ANK3: variants seen among roughly 807,000 people sequenced by gnomAD.
ANK3 encodes the protein ankyrin 3, also known as ankyrin-3.
A neutral mutation model predicts 370.9 loss-of-function variants in ANK3; 57 were observed. The ratio of observed to expected loss-of-function variants is 0.15; its 90% CI spans 0.12 to 0.19. The LOEUF (loss-of-function observed/expected upper bound fraction) is 0.19. Among genes scored for constraint, ANK3 ranks in the 10% least tolerant of loss-of-function variants. ANK3 has a pLI of 1.00. For synonymous variants in ANK3, 1,929 were observed against 1,946.3 expected, an observed-to-expected ratio of 0.99 and a Z score of 0.23; for missense variants, 4,439 against 5,302.1, an observed-to-expected ratio of 0.84 and a Z score of 5.06.
chr10:60,164,457 G>C (rs1288373720), intron 23 of ANK3, among the ~76,000 whole-genome samples: 1 of 151,042 alleles, frequency 6.6e-6, no homozygotes, highest in Non-Finnish European at 1.5e-5. Context: ...AGGTTGCTGA[G>C]GGGAACAATA....
intron 1 of ANK3, among the ~76,000 whole-genome samples, chr10:60,664,488 C>T (rs572067207): frequency 6.6e-6 from 1 of 152,320 alleles, no homozygotes; most frequent in South Asian, 2.1e-4. Flanking sequence ...CACCTTGATA[C>T]ACCAGATGGT....
At chr10:60,253,192 T>C (rs1175417973) in intron 7 of ANK3, among the ~76,000 whole-genome samples, 1 of 152,198 alleles carries the variant, frequency 6.6e-6, no homozygotes, top group Non-Finnish European at 1.5e-5. Flanking sequence ...ACTACCTCCA[T>C]TGCTGTCAGA....
At chr10:60,104,374 A>G (rs59528486) in intron 28 of ANK3, among the ~76,000 whole-genome samples, 1 of 116,258 alleles carries the variant, frequency 8.6e-6, no homozygotes, top group African/African-American at 3.6e-5. Flanking sequence ...AAAAAAAAAA[A>G]AAAAAAAAAA....
At chr10:60,415,517 T>G (rs1157468278) in intron 2 of ANK3, among the ~76,000 whole-genome samples, 1 of 152,106 alleles carries the variant, frequency 6.6e-6, no homozygotes, top group Non-Finnish European at 1.5e-5. Context: ...AGGATAAATG[T>G]GCAGCAGGAA....
chr10:60,064,545 A>C (rs780224251), intron 38 of ANK3, among the ~76,000 whole-genome samples: 5 of 152,078 alleles, frequency 3.3e-5, no homozygotes, highest in Non-Finnish European at 7.4e-5. Context: ...TTTTAGACTT[A>C]GGCTGGGCAC....
intron 27 of ANK3, among the ~76,000 whole-genome samples, chr10:60,107,454 G>C (rs1196775940): frequency 1.3e-5 from 2 of 152,196 alleles, no homozygotes; most frequent in African/African-American, 4.8e-5. Context: ...TGATCAAGGT[G>C]AAAGCCAAGC....
At chr10:60,387,020 CAGG>C (rs1275949690) in intron 1 of ANK3, among the ~76,000 whole-genome samples, 1 of 152,008 alleles carries the variant, frequency 6.6e-6, no homozygotes, top group Non-Finnish European at 1.5e-5. Context: ...ATTAGCCGGG[CAGG>C]GTGGCGGGTG....
upstream of ANK3, among the ~76,000 whole-genome samples, chr10:60,394,646 T>C (rs1221554069): frequency 6.6e-6 from 1 of 152,114 alleles, no homozygotes; most frequent in Admixed American, 6.5e-5. Context: ...AGATCCTCCG[T>C]TGCACACAGA....
chr10:60,186,016 C>T (rs2096317100), intron 17 of ANK3, among the ~76,000 whole-genome samples: 1 of 152,178 alleles, frequency 6.6e-6, no homozygotes, highest in Non-Finnish European at 1.5e-5. Flanking sequence ...AAAATAGCTA[C>T]TCTAAATTTG....
chr10:60,144,533 A>G (rs1027579414), intron 23 of ANK3, among the ~76,000 whole-genome samples: 6 of 152,178 alleles, frequency 3.9e-5, no homozygotes, highest in Non-Finnish European at 8.8e-5. Flanking sequence ...TGATCCCACC[A>G]CTAACCAATT....
At chr10:60,500,374 G>C (rs558325447) in intron 2 of ANK3, among the ~76,000 whole-genome samples, 1 of 152,190 alleles carries the variant, frequency 6.6e-6, no homozygotes, top group Admixed American at 6.5e-5. Context: ...AGCTAGTTAA[G>C]CATGATGAAG....
intron 28 of ANK3, among the ~76,000 whole-genome samples, chr10:60,100,234 G>GTTTTTT (rs3045340): frequency 0.02 from 1,169 of 57,868 alleles, 217 homozygotes; most frequent in African/African-American, 0.058. Flanking sequence ...TTTTGCTATG[G>GTTTTTT]TTTTTTTTTT....
chr10:60,234,565 C>T (rs548867809), intron 8 of ANK3, 123 bp downstream of exon 8: 1 of 577,180 alleles, frequency 1.7e-6, no homozygotes, highest in African/African-American at 1.9e-5. Context: ...CAGTCATTTT[C>T]CAAGAGACTA....
At chr10:60,229,834 G>T (rs1565845983) in intron 8 of ANK3, among the ~76,000 whole-genome samples, 1 of 152,178 alleles carries the variant, frequency 6.6e-6, no homozygotes, top group Non-Finnish European at 1.5e-5. Flanking sequence ...ACCAGGAAGT[G>T]TGCTAAGTAT....
intron 1 of ANK3, among the ~76,000 whole-genome samples, chr10:60,702,521 C>G (rs553377203): frequency 1.3e-5 from 2 of 151,952 alleles, no homozygotes; most frequent in Non-Finnish European, 2.9e-5. Context: ...TGTTACTATT[C>G]TTTGGGTCCT....
At chr10:60,572,205 C>G (rs1567156355) in intron 2 of ANK3, among the ~76,000 whole-genome samples, 1 of 152,146 alleles carries the variant, frequency 6.6e-6, no homozygotes, top group Non-Finnish European at 1.5e-5. Context: ...TCCTGAATAT[C>G]ACTATGAAAA....
chr10:60,093,029 C>A (rs2132042647), intron 28 of ANK3, among the ~76,000 whole-genome samples: 1 of 152,320 alleles, frequency 6.6e-6, no homozygotes, highest in South Asian at 2.1e-4. Flanking sequence ...AGCCACTGCA[C>A]CCGGCCAGAA....
intron 40 of ANK3, among the ~76,000 whole-genome samples, chr10:60,061,495 G>A (rs2080452605): frequency 6.6e-6 from 1 of 152,000 alleles, no homozygotes; most frequent in Non-Finnish European, 1.5e-5. Flanking sequence ...AAGAATATTA[G>A]AAGAATGTAT....
Position 60,073,005 on chromosome 10 carries a change from G to A in ANK3, c.7876C>T (p.Pro2626Ser). 3 of 1,614,034 alleles carry A rather than the reference G, an allele frequency of 1.9e-6. No homozygotes were observed. Among genetic ancestry groups the A allele is most frequent in the Non-Finnish European group, 1.7e-6 (2 of 1,180,004 alleles). ...KNGKEYSSQS[P>S]TSSSPEKVLL... ...ACTTTCTCAGGGCTGCTACTGGTAG[G>A]GCTTTGAGAAGAATATTCTTTGCCA... Residue 2626 changes from proline to serine, a missense_variant, in exon 37 of 44, where the codon CCT (proline) becomes TCT (serine). This residue lies in a region of ANK3 where 1,601 missense variants were observed against 1,731.7 expected (regional missense o/e 0.92). Transcript: ENST00000280772.
Sources: allele counts gnomAD v4.1 joint callset (sites outside exome capture counted in the v4.1 genomes callset), GRCh38; gene constraint gnomAD v4.1.1; regional missense constraint gnomAD v4.1.1; transcripts MANE v1.5; gene names NCBI Gene and HGNC (gene_info 2026-07-23, HGNC 2026-07-21).